PDE1C: variants seen among roughly 807,000 people sequenced by gnomAD.
PDE1C encodes the protein phosphodiesterase 1C, also known as dual specificity calcium/calmodulin-dependent 3',5'-cyclic nucleotide phosphodiesterase 1C.
A neutral mutation model predicts 93.1 loss-of-function variants in PDE1C; 62 were observed. The observed-to-expected ratio is 0.67, with a 90% CI of 0.54 to 0.82. The LOEUF (loss-of-function observed/expected upper bound fraction) is 0.82, where lower values mean the gene tolerates loss of function less well. PDE1C is among the 40% of genes least tolerant of loss of function. The pLI is 0.00. For missense variants in PDE1C, 742 were observed against 884.6 expected (o/e 0.84, Z 2.04); for synonymous variants, 325 against 310.1 (o/e 1.05, Z -0.50).
At chr7:32,350,578 ATATATATATATATTTTT>A (rs1274309588) in intron 1 of PDE1C, among the ~76,000 whole-genome samples, 5 of 324 alleles carry the variant, frequency 0.015, 2 homozygotes, top group African/African-American at 0.02. Flanking sequence ...ATATATATAT[ATATATATATATATTTTT>A]TTTTTTTTTT....
Position 32,267,584 on chromosome 7 carries a change from A to ACTCTCT in PDE1C, c.85+31066_85+31067insAGAGAG, listed in dbSNP as rs756476017. Among the ~76,000 whole-genome samples, 71 of 113,140 alleles carry ACTCTCT rather than the reference A, an allele frequency of 6.3e-4. 1 individual carries two copies. Among genetic ancestry groups the ACTCTCT allele is most frequent in the African/African-American group, 1.6e-3 (44 of 27,298 alleles). The allele number at this position is 113,140 out of a possible 152,430, so 74.2% of individuals were successfully genotyped here. On this transcript the variant is annotated intron_variant, in intron 1 of 18. Coordinates refer to the PDE1C transcript ENST00000396193. ...CTTTCTCTCTCTCTCACACACACACACACTCTCTCTCTCTCTCTCTCTCTC... is the reference window on the plus strand; with the variant it reads ...CTTTCTCTCTCTCTCACACACACACACTCTCTCACTCTCTCTCTCTCTCTCTCTCTC...
chr7:32,085,079 G>C lies in PDE1C; in HGVS notation c.308+84706C>G, dbSNP rs1483125943. On this transcript the variant is annotated intron_variant, in intron 3 of 18. Coordinates refer to the PDE1C transcript ENST00000396193. Reference sequence around the variant, plus strand: ...GAATCCAGGAGCTGGTTTTTTGAAAGGATCAACAAAATTGATAGACCGCTA... The same window carrying C: ...GAATCCAGGAGCTGGTTTTTTGAAACGATCAACAAAATTGATAGACCGCTA... 4.9e-5 allele frequency among the ~76,000 whole-genome samples: 7 copies of C among 142,910 alleles called. No individual in the cohort carries two copies. The East Asian group carries it at 6.1e-4, about 13-fold the overall frequency. The allele number at this position is 142,910 out of a possible 152,430, so 93.8% of individuals were successfully genotyped here.
chr7:32,256,157 A>T (rs17161087), intron 1 of PDE1C, among the ~76,000 whole-genome samples: 1 of 152,120 alleles, frequency 6.6e-6, no homozygotes, highest in Non-Finnish European at 1.5e-5. Context: ...ACTTCACCTA[A>T]GGCAAGCTTC....
chr7:31,959,871 ATT>A (rs1042687854), intron 2 of PDE1C, among the ~76,000 whole-genome samples: 1 of 146,898 alleles, frequency 6.8e-6, no homozygotes. Flanking sequence ...CGACTTGCTA[ATT>A]TTTTTTTTTT....
chr7:32,087,579 T>C (rs967485498), intron 3 of PDE1C, among the ~76,000 whole-genome samples: 16 of 152,180 alleles, frequency 1.1e-4, no homozygotes, highest in African/African-American at 3.9e-4. Context: ...CTATTCACAA[T>C]AGCAAAGACT....
intron 1 of PDE1C, among the ~76,000 whole-genome samples, chr7:32,314,255 A>G (rs1331912400): frequency 6.6e-6 from 1 of 152,194 alleles, no homozygotes; most frequent in Non-Finnish European, 1.5e-5. Flanking sequence ...ATCTTGTAAC[A>G]TGATTTTTTT....
At chr7:32,085,987 C>T (rs1376490880) in intron 3 of PDE1C, among the ~76,000 whole-genome samples, 3 of 151,414 alleles carry the variant, frequency 2.0e-5, no homozygotes, top group Non-Finnish European at 2.9e-5. Context: ...CAACATAGTG[C>T]TGGAAGTTCT....
intron 1 of PDE1C, among the ~76,000 whole-genome samples, chr7:32,276,164 A>G (rs1048917357): frequency 5.9e-5 from 9 of 152,194 alleles, no homozygotes; most frequent in African/African-American, 2.2e-4. Context: ...CACTGCTATA[A>G]ATACTTAACA....
intron 3 of PDE1C, among the ~76,000 whole-genome samples, chr7:32,104,212 C>T (rs553042217): frequency 6.6e-6 from 1 of 152,044 alleles, no homozygotes; most frequent in Non-Finnish European, 1.5e-5. Flanking sequence ...AAATAGGACA[C>T]ACATCAAGGT....
chr7:32,264,652 C>G (rs1810442803), intron 1 of PDE1C, among the ~76,000 whole-genome samples: 1 of 152,202 alleles, frequency 6.6e-6, no homozygotes, highest in Non-Finnish European at 1.5e-5. Flanking sequence ...ATGTGGAATG[C>G]TCAAGTAGTG....
chr7:32,251,772 C>T (rs769993814), intron 1 of PDE1C, among the ~76,000 whole-genome samples: 1 of 152,170 alleles, frequency 6.6e-6, no homozygotes, highest in Non-Finnish European at 1.5e-5. Flanking sequence ...CCATGTCTGC[C>T]CTTAAACCTT....
the PDE1C span, chr7:31,656,121 A>G: frequency 8.4e-6 from 6 of 712,934 alleles, no homozygotes; most frequent in Non-Finnish European, 1.0e-5. Flanking sequence ...TGAAACTCCT[A>G]TATCACTTTG....
chr7:32,257,545 T>C (rs1461476782), intron 1 of PDE1C, among the ~76,000 whole-genome samples: 1 of 152,250 alleles, frequency 6.6e-6, no homozygotes, highest in Non-Finnish European at 1.5e-5. Context: ...AAAATTTAAA[T>C]GACTTAATAT....
At chr7:32,204,382 C>T (rs1805257227) in intron 2 of PDE1C, among the ~76,000 whole-genome samples, 1 of 152,224 alleles carries the variant, frequency 6.6e-6, no homozygotes, top group South Asian at 2.1e-4. Flanking sequence ...GATTGCTCAT[C>T]TTGGGGGAGA....
intron 2 of PDE1C, among the ~76,000 whole-genome samples, chr7:31,974,940 C>T (rs1563129578): frequency 1.3e-5 from 2 of 152,158 alleles, no homozygotes; most frequent in Non-Finnish European, 2.9e-5. Flanking sequence ...TGCAGGTTCT[C>T]CCCATTGCCT....
chr7:31,793,087 A>G (rs533291734), intron 16 of PDE1C, among the ~76,000 whole-genome samples: 129 of 152,046 alleles, frequency 8.5e-4, no homozygotes, highest in Non-Finnish European at 1.6e-3. Context: ...CAGCAACTTC[A>G]TTTAGAAAAA....
rs112322538 is a variant in PDE1C, at chr7:32,298,639, G to A, written c.85+12C>T. The A allele has an allele frequency of 5.6e-6, 9 of 1,597,960 alleles. No homozygotes were observed. The African/African-American group carries it at 6.7e-5, about 12-fold the overall frequency. On this transcript the variant is annotated intron_variant, in intron 1 of 18. Coordinates refer to the PDE1C transcript ENST00000396193. ...CCGAGCCAGGAGTCCGAGAGGGGTG[G>A]AAAGTTCTCACCTATGGTGAAGCTG... is the stretch of plus-strand genomic sequence containing the variant.
intron 2 of PDE1C, among the ~76,000 whole-genome samples, chr7:31,905,933 A>G (rs907015008): frequency 2.0e-5 from 3 of 152,162 alleles, no homozygotes; most frequent in Non-Finnish European, 2.9e-5. Flanking sequence ...TTCTTGCTGC[A>G]AGAAGGAGAA....
At chr7:31,651,873 T>A in the PDE1C span, 1 of 1,111,502 alleles carries the variant, frequency 9.0e-7, no homozygotes, top group Non-Finnish European at 1.3e-6. Context: ...TATTATGAGG[T>A]GACAATGGAA....
Sources: gnomAD v4.1 joint callset for allele counts (sites outside exome capture counted in the v4.1 genomes callset) on GRCh38, gnomAD v4.1.1 for gene constraint, MANE v1.5 for transcripts, NCBI Gene and HGNC (gene_info 2026-07-23, HGNC 2026-07-21) for gene names.